Variants in ATP9B observed in about 807,000 individuals in gnomAD.
ATP9B encodes the protein ATPase phospholipid transporting 9B.
ATP9B carries 110 observed loss-of-function variants against 146.1 expected under a neutral mutation model. The ratio of observed to expected loss-of-function variants is 0.75; its 90% CI spans 0.65 to 0.88. The LOEUF (loss-of-function observed/expected upper bound fraction) is 0.88. ATP9B is among the 40% of genes least tolerant of loss of function. The probability of loss-of-function intolerance (pLI) is 0.00; values close to 1 mark genes in which losing one functional copy is unlikely to be tolerated. For synonymous variants in ATP9B, 604 were observed against 569.7 expected, an observed-to-expected ratio of 1.06 and a Z score of -0.86; for missense variants, 1,499 against 1,496.4, an observed-to-expected ratio of 1.00 and a Z score of -0.03.
chr18:79,300,171 C>G (rs771497348), intron 13 of ATP9B, among the ~76,000 whole-genome samples: 1 of 152,178 alleles, frequency 6.6e-6, no homozygotes, highest in Non-Finnish European at 1.5e-5. Flanking sequence ...GAAGGAGCTT[C>G]AGGAGGGGGG....
intron 15 of ATP9B, among the ~76,000 whole-genome samples, chr18:79,312,723 T>C (rs1400863839): frequency 1.3e-5 from 2 of 152,158 alleles, no homozygotes; most frequent in Admixed American, 6.5e-5. Context: ...CTTAAAACTA[T>C]ATTAGTGGAA....
chr18:79,229,891 A>G (rs1241243286), intron 11 of ATP9B, among the ~76,000 whole-genome samples: 1 of 152,202 alleles, frequency 6.6e-6, no homozygotes, highest in East Asian at 1.9e-4. Flanking sequence ...TTCATTTAAT[A>G]TACACTTTGA....
intron 13 of ATP9B, among the ~76,000 whole-genome samples, chr18:79,294,008 A>G (rs924288023): frequency 1.3e-4 from 20 of 152,148 alleles, no homozygotes; most frequent in African/African-American, 4.6e-4. Flanking sequence ...AGCAAAGTAT[A>G]ATAGCATAGC....
At chr18:79,198,271 T>C in intron 9 of ATP9B, among the ~76,000 whole-genome samples, 1 of 152,142 alleles carries the variant, frequency 6.6e-6, no homozygotes, top group Non-Finnish European at 1.5e-5. Flanking sequence ...GATTCAAATA[T>C]ATGGTGCCTA....
intron 15 of ATP9B, among the ~76,000 whole-genome samples, chr18:79,309,537 G>A (rs967784230): frequency 7.8e-5 from 11 of 141,510 alleles, no homozygotes; most frequent in Admixed American, 2.2e-4. Context: ...AAGGTCAGGG[G>A]TGGTGGAGTG....
chr18:79,361,156 T>C (rs2096985816), intron 26 of ATP9B: 2 of 152,238 alleles, frequency 1.3e-5, no homozygotes, highest in African/African-American at 4.8e-5. Flanking sequence ...CGGATCGCTG[T>C]GCTGGGAGAA....
chr18:79,182,528 G>A (rs547089237), intron 8 of ATP9B, among the ~76,000 whole-genome samples: 62 of 152,102 alleles, frequency 4.1e-4, no homozygotes, highest in Non-Finnish European at 8.8e-5. Flanking sequence ...TCTTTACCTG[G>A]GCTTATGTGG....
chr18:79,154,386 G>T, intron 6 of ATP9B, 118 bp from the exon 7 acceptor site: 2 of 682,780 alleles, frequency 2.9e-6, no homozygotes, highest in Non-Finnish European at 2.5e-6. Context: ...AGTTATTTCA[G>T]CACAATTTTA....
chr18:79,256,257 CTATATATATATATATATA>C (rs10531617), intron 12 of ATP9B, among the ~76,000 whole-genome samples: 3 of 100,372 alleles, frequency 3.0e-5, no homozygotes, highest in South Asian at 3.1e-4. Flanking sequence ...TTCTAGCTAG[CTATATATATATATATATA>C]TATATATATA....
intron 13 of ATP9B, among the ~76,000 whole-genome samples, chr18:79,285,811 G>T (rs2096433014): frequency 6.6e-6 from 1 of 152,140 alleles, no homozygotes; most frequent in Admixed American, 6.6e-5. Context: ...GTAAGAAAGG[G>T]ATCCAGTTTC....
At position 79,285,798 on chromosome 18, in the gene ATP9B, G is replaced by C. The variant is rs1371298523; in HGVS notation, c.1411+8602G>C. 2.0e-5 allele frequency among the ~76,000 whole-genome samples: 3 copies of C among 152,134 alleles called. No homozygotes were observed. In the East Asian group the frequency reaches 5.8e-4, roughly 29 times the overall value. Reference sequence around the variant, plus strand: ...CCATCTTGAATTAATTTTTGTATAAGGTGTAAGAAAGGGATCCAGTTTCAG... The same window carrying C: ...CCATCTTGAATTAATTTTTGTATAACGTGTAAGAAAGGGATCCAGTTTCAG... On this transcript the variant is annotated intron_variant, in intron 13 of 29. Transcript: ENST00000426216.
intron 2 of ATP9B, among the ~76,000 whole-genome samples, chr18:79,110,117 C>G (rs1466640244): frequency 2.0e-5 from 3 of 152,066 alleles, no homozygotes; most frequent in African/African-American, 7.2e-5. Context: ...ATAAGAGTGT[C>G]TAAACAGAAA....
At chr18:79,303,764 G>A (rs768435914) in intron 14 of ATP9B, 48 bp downstream of exon 14, 19 of 1,401,884 alleles carry the variant, frequency 1.4e-5, no homozygotes, top group African/African-American at 1.1e-4. Context: ...CACATCCCGC[G>A]CCATGAGTCC....
intron 1 of ATP9B, among the ~76,000 whole-genome samples, chr18:79,077,527 A>G (rs1237031418): frequency 1.3e-5 from 2 of 152,188 alleles, no homozygotes; most frequent in African/African-American, 2.4e-5. Flanking sequence ...CTCTGACATT[A>G]TAGAGATGGG....
At chr18:79,193,095 T>G in intron 8 of ATP9B, 88 bp from the exon 9 acceptor site, 1 of 943,272 alleles carries the variant, frequency 1.1e-6, no homozygotes, top group Non-Finnish European at 1.6e-6. Context: ...AAATAATATA[T>G]GAACAATATT....
intron 13 of ATP9B, among the ~76,000 whole-genome samples, chr18:79,282,994 GC>G (rs2096394638): frequency 6.6e-6 from 1 of 152,228 alleles, no homozygotes; most frequent in African/African-American, 2.4e-5. Flanking sequence ...AACTCTGAAA[GC>G]AGCTGGTTTT....
intron 7 of ATP9B, among the ~76,000 whole-genome samples, chr18:79,157,743 TTATC>T (rs2094816746): frequency 6.6e-6 from 1 of 152,144 alleles, no homozygotes; most frequent in Non-Finnish European, 1.5e-5. Flanking sequence ...TTTGTCCACT[TTATC>T]TAGGTTATCT....
chr18:79,210,372 G>A (rs765556850), intron 10 of ATP9B, among the ~76,000 whole-genome samples: 9 of 152,230 alleles, frequency 5.9e-5, no homozygotes, highest in Admixed American at 2.0e-4. Context: ...GCCTGGGTGC[G>A]GGTCTCCTTG....
chr18:79,375,152 G>A (rs1044963319), intron 28 of ATP9B, among the ~76,000 whole-genome samples: 4 of 152,214 alleles, frequency 2.6e-5, no homozygotes, highest in African/African-American at 9.6e-5. Flanking sequence ...TGTCTCCTAG[G>A]GGAATGCCAA....
Sources: allele counts gnomAD v4.1 joint callset (sites outside exome capture counted in the v4.1 genomes callset), GRCh38; gene constraint gnomAD v4.1.1; transcripts MANE v1.5; gene names NCBI Gene and HGNC (gene_info 2026-07-23, HGNC 2026-07-21).